The following CYRIA variants were observed in gnomAD, a reference collection of about 807,000 sequenced individuals.
The protein encoded by CYRIA is CYFIP-related Rac1 interactor A.
Under a neutral mutation model 43.9 loss-of-function variants are expected in CYRIA, and 15 were observed. The ratio of observed to expected loss-of-function variants is 0.34; its 90% CI spans 0.23 to 0.53. The LOEUF is 0.53. Ranked by LOEUF, CYRIA falls within the 20% of genes least tolerant of loss-of-function variation. CYRIA has a pLI of 0.94. For missense variants in CYRIA, 236 were observed against 394.2 expected (o/e 0.60, Z 3.40); for synonymous variants, 117 against 136.0 (o/e 0.86, Z 0.97).
chr2:16,560,481 G>C (rs1654401334), intron 9 of CYRIA, among the ~76,000 whole-genome samples: 2 of 152,060 alleles, frequency 1.3e-5, no homozygotes, highest in African/African-American at 2.4e-5. Flanking sequence ...TCAGAATTTT[G>C]AGCACAGATT....
chr2:16,603,301 G>A lies in CYRIA; in HGVS notation c.-10-15172C>T, dbSNP rs533683501. 1.0e-3 allele frequency among the ~76,000 whole-genome samples: 158 copies of A among 152,262 alleles called. 9 individuals carry two copies. In the South Asian group the frequency reaches 0.031, roughly 30 times the overall value. On this transcript the variant is annotated intron_variant, in intron 2 of 11. Coordinates refer to ENST00000381323, the MANE Select transcript of CYRIA (RefSeq NM_030797.4). Reference sequence around the variant, plus strand: ...TGATCTGCAGGCCAGAGTGAGGAGGGTGCTTTATGTATTGCCATATTTTAA... The same window carrying A: ...TGATCTGCAGGCCAGAGTGAGGAGGATGCTTTATGTATTGCCATATTTTAA...
intron 2 of CYRIA, among the ~76,000 whole-genome samples, chr2:16,605,595 A>G (rs1668370141): frequency 6.6e-6 from 1 of 152,236 alleles, no homozygotes; most frequent in Non-Finnish European, 1.5e-5. Context: ...CCAAGCACTC[A>G]TCTTGGAGAC....
At chr2:16,636,311 G>T (rs1049803306) in intron 1 of CYRIA, among the ~76,000 whole-genome samples, 1 of 152,114 alleles carries the variant, frequency 6.6e-6, no homozygotes, top group Non-Finnish European at 1.5e-5. Flanking sequence ...AAGCCCAAGG[G>T]CCCAGAGCTA....
chr2:16,559,630 C>T, intron 9 of CYRIA, 44 bp from the exon 10 acceptor site: 2 of 1,595,858 alleles, frequency 1.3e-6, no homozygotes, highest in Non-Finnish European at 1.7e-6. Flanking sequence ...CTTGTCAGAA[C>T]ATGTGCGTTC....
At chr2:16,622,905 T>G (rs537789295) in intron 2 of CYRIA, 1 of 152,358 alleles carries the variant, frequency 6.6e-6, no homozygotes, top group South Asian at 2.1e-4. Context: ...ATCCTGGGAA[T>G]GCAAAACAAG....
intron 1 of CYRIA, among the ~76,000 whole-genome samples, chr2:16,661,266 C>A (rs1670246544): frequency 6.6e-6 from 1 of 152,048 alleles, no homozygotes; most frequent in Non-Finnish European, 1.5e-5. Flanking sequence ...CAGAGCAAGA[C>A]CCTGTCTCAA....
chr2:16,575,747 T>A (rs1025765939), intron 3 of CYRIA, among the ~76,000 whole-genome samples: 2 of 151,782 alleles, frequency 1.3e-5, no homozygotes, highest in African/African-American at 4.8e-5. Context: ...TCCCAGCTAC[T>A]CGGGAGGCTG....
chr2:16,635,027 T>C (rs1039867864), intron 1 of CYRIA, among the ~76,000 whole-genome samples: 1 of 152,228 alleles, frequency 6.6e-6, no homozygotes, highest in Non-Finnish European at 1.5e-5. Flanking sequence ...CAACTCACTG[T>C]TTGACTTGAG....
At chr2:16,654,473 G>A (rs1442909008) in intron 1 of CYRIA, among the ~76,000 whole-genome samples, 1 of 152,122 alleles carries the variant, frequency 6.6e-6, no homozygotes, top group Non-Finnish European at 1.5e-5. Flanking sequence ...TCCAGTCATG[G>A]CAGGAAAAAG....
intron 1 of CYRIA, among the ~76,000 whole-genome samples, chr2:16,659,601 A>G (rs1238430494): frequency 1.3e-5 from 2 of 152,140 alleles, no homozygotes; most frequent in Non-Finnish European, 2.9e-5. Flanking sequence ...TCTTGCCCCA[A>G]CCACAGCATG....
At chr2:16,619,287 A>T (rs759016073) in intron 2 of CYRIA, among the ~76,000 whole-genome samples, 5 of 152,198 alleles carry the variant, frequency 3.3e-5, no homozygotes, top group Non-Finnish European at 5.9e-5. Flanking sequence ...ACATATATAC[A>T]TACACACATA....
intron 1 of CYRIA, among the ~76,000 whole-genome samples, chr2:16,656,809 T>C (rs553712590): frequency 6.6e-6 from 1 of 152,384 alleles, no homozygotes; most frequent in South Asian, 2.1e-4. Context: ...CCAATGGCCA[T>C]GCTTGGTCAA....
At chr2:16,604,261 C>T (rs1668301691) in intron 2 of CYRIA, among the ~76,000 whole-genome samples, 1 of 152,210 alleles carries the variant, frequency 6.6e-6, no homozygotes, top group South Asian at 2.1e-4. Flanking sequence ...GCAATTAAGA[C>T]AATCTACCTT....
chr2:16,599,570 A>G (rs1668126170), intron 2 of CYRIA, among the ~76,000 whole-genome samples: 1 of 136,750 alleles, frequency 7.3e-6, no homozygotes, highest in East Asian at 2.2e-4. Context: ...AGGTGAGGCA[A>G]TGCCTCGCCC....
At chr2:16,589,854 GA>G (rs1667860306) in intron 2 of CYRIA, among the ~76,000 whole-genome samples, 1 of 151,844 alleles carries the variant, frequency 6.6e-6, no homozygotes, top group Non-Finnish European at 1.5e-5. Flanking sequence ...GAAATGATGA[GA>G]AAAAATTTCT....
At chr2:16,653,229 T>C (rs779634618) in intron 1 of CYRIA, among the ~76,000 whole-genome samples, 3 of 152,184 alleles carry the variant, frequency 2.0e-5, no homozygotes, top group Non-Finnish European at 4.4e-5. Flanking sequence ...GATGTCTCCA[T>C]GACCCCATGG....
At chr2:16,606,520 C>T (rs1421600015) in intron 2 of CYRIA, among the ~76,000 whole-genome samples, 2 of 151,568 alleles carry the variant, frequency 1.3e-5, no homozygotes, top group African/African-American at 4.9e-5. Context: ...TAAATCTCTT[C>T]CATTCCTGTT....
At chr2:16,653,757 C>T (rs906606769) in intron 1 of CYRIA, among the ~76,000 whole-genome samples, 3 of 152,082 alleles carry the variant, frequency 2.0e-5, no homozygotes, top group Non-Finnish European at 2.9e-5. Context: ...AGGTTTATGG[C>T]GAATGTTACA....
intron 2 of CYRIA, among the ~76,000 whole-genome samples, chr2:16,598,276 C>T (rs1668081865): frequency 2.5e-5 from 2 of 80,046 alleles, no homozygotes; most frequent in African/African-American, 7.1e-5. Context: ...TGGACGTTGG[C>T]CTGCCTTGCT....
Sources: gnomAD v4.1 joint callset for allele counts (sites outside exome capture counted in the v4.1 genomes callset) on GRCh38, gnomAD v4.1.1 for gene constraint, MANE v1.5 for transcripts, NCBI Gene and HGNC (gene_info 2026-07-23, HGNC 2026-07-21) for gene names.